The following FILIP1 variants were observed in gnomAD, a reference collection of about 807,000 sequenced individuals.
The protein encoded by FILIP1 is filamin-A-interacting protein 1.
A neutral mutation model predicts 102.1 loss-of-function variants in FILIP1; 61 were observed. The ratio of observed to expected loss-of-function variants is 0.60; its 90% CI spans 0.49 to 0.74. FILIP1 has a LOEUF of 0.74. FILIP1 is among the 30% of genes least tolerant of loss of function. The pLI is 0.00. For missense variants in FILIP1, 1,314 were observed against 1,441.2 expected (o/e 0.91, Z 1.43); for synonymous variants, 491 against 526.9 (o/e 0.93, Z 0.93).
At chr6:75,435,543 G>A (rs1009342346) in intron 1 of FILIP1, among the ~76,000 whole-genome samples, 2 of 152,146 alleles carry the variant, frequency 1.3e-5, no homozygotes, top group Non-Finnish European at 1.5e-5. Flanking sequence ...CAGTAACCTG[G>A]CAGTAAAATT....
At chr6:75,466,903 T>C (rs1447155676) in intron 1 of FILIP1, among the ~76,000 whole-genome samples, 5 of 152,222 alleles carry the variant, frequency 3.3e-5, no homozygotes, top group African/African-American at 4.8e-5. Context: ...ACAGCTTTAG[T>C]TCATCCCTCT....
chr6:75,464,863 T>C (rs1681409100), intron 1 of FILIP1, among the ~76,000 whole-genome samples: 1 of 152,194 alleles, frequency 6.6e-6, no homozygotes, highest in African/African-American at 2.4e-5. Context: ...GCTGAAACTC[T>C]GACTCTTCCT....
chr6:75,297,852 A>C lies in FILIP1; in HGVS notation c.3494-1902T>G, dbSNP rs567827297. Among the ~76,000 whole-genome samples, 3 of 152,356 alleles carry C rather than the reference A, an allele frequency of 2.0e-5. No homozygotes were observed. The South Asian group carries it at 6.2e-4, about 32-fold the overall frequency. On this transcript the variant is annotated intron_variant, in intron 6 of 6. Transcript: ENST00000393004. ...AAAGAGTGAAATCAGAATTGTTCTT[A>C]TTGTGGATGTAATTCAGAAATCTTC... is the stretch of plus-strand genomic sequence containing the variant.
rs112719585 is a variant in FILIP1 at position 75,379,723 on chromosome 6, C to A, written c.277-16806G>T. Among the ~76,000 whole-genome samples, 146 of 152,304 alleles carry A rather than the reference C, an allele frequency of 9.6e-4. 1 individual carries two copies. The highest frequency in any genetic ancestry group is 3.5e-3 in the African/African-American group (146 of 41,558). On this transcript the variant is annotated intron_variant, in intron 2 of 5. Transcript: ENST00000237172. ...CTCCAGGCACGCTTTCCCCTAAGGC[C>A]TCTGCCCCTTTGCCTAGAATGCTCT...
In FILIP1 at chr6:75,308,465, C is replaced by G. The variant is rs1002264347; in HGVS notation, c.*226G>C. 2.5e-5 allele frequency: 34 copies of G among 1,359,732 alleles called. No individual in the cohort carries two copies. In the East Asian group the frequency reaches 1.0e-3, roughly 40 times the overall value. The allele number at this position is 1,359,732 out of a possible 1,614,324, so 84.2% of individuals were successfully genotyped here. On this transcript the variant is annotated 3_prime_UTR_variant, in exon 6 of 6. Coordinates refer to ENST00000237172, the MANE Select transcript of FILIP1 (RefSeq NM_015687.5). ...CTAGAAGCAAAACTGGAACTAGAAACCACGCCCTGGCTTCTAGGCAGCAAG... is the reference window on the plus strand; with the variant it reads ...CTAGAAGCAAAACTGGAACTAGAAAGCACGCCCTGGCTTCTAGGCAGCAAG...
intron 1 of FILIP1, among the ~76,000 whole-genome samples, chr6:75,431,765 A>G (rs1402426789): frequency 6.6e-6 from 1 of 152,190 alleles, no homozygotes; most frequent in African/African-American, 2.4e-5. Context: ...TAACAGACCT[A>G]AACACCCCTC....
At chr6:75,305,334 AT>A (rs1458455263), downstream of FILIP1, among the ~76,000 whole-genome samples, 4 of 152,184 alleles carry the variant, frequency 2.6e-5, no homozygotes, top group Non-Finnish European at 4.4e-5. Context: ...GGAATGAGAA[AT>A]TTAAATATTT....
At position 75,403,490 on chromosome 6, in the gene FILIP1, G is replaced by A. The variant is rs542764745; in HGVS notation, c.276+11207C>T. Among the ~76,000 whole-genome samples the A allele has an allele frequency of 1.7e-3, 212 of 121,278 alleles. 1 individual carries two copies. The highest frequency in any genetic ancestry group is 6.3e-3 in the African/African-American group (189 of 29,972). 79.6% of individuals were successfully genotyped at this position (121,278 alleles called of 152,430 possible). On this transcript the variant is annotated intron_variant, in intron 2 of 5. Coordinates refer to ENST00000237172, the MANE Select transcript of FILIP1 (RefSeq NM_015687.5). ...TGCATGTCACTGTGCTCCAGCCTGG[G>A]CAACAAAGCAAGACTCTGTCCCACA...
chr6:75,413,480 G>T (rs1275937529), intron 2 of FILIP1, among the ~76,000 whole-genome samples: 1 of 152,016 alleles, frequency 6.6e-6, no homozygotes, highest in Non-Finnish European at 1.5e-5. Flanking sequence ...AATCATGTTT[G>T]TTTGTTTAAA....
At chr6:75,375,996 G>A (rs1208592357) in intron 2 of FILIP1, among the ~76,000 whole-genome samples, 1 of 152,052 alleles carries the variant, frequency 6.6e-6, no homozygotes, top group African/African-American at 2.4e-5. Context: ...TAATTTTAAG[G>A]GTTTGGGCAC....
intron 4 of FILIP1, among the ~76,000 whole-genome samples, chr6:75,329,543 CCT>C (rs1773993182): frequency 6.6e-6 from 1 of 152,146 alleles, no homozygotes; most frequent in South Asian, 2.1e-4. Flanking sequence ...CTTGGGTACG[CCT>C]CTCTGTCTTC....
At chr6:75,358,965 G>C (rs1183384285) in intron 3 of FILIP1, among the ~76,000 whole-genome samples, 2 of 150,538 alleles carry the variant, frequency 1.3e-5, no homozygotes, top group Non-Finnish European at 2.9e-5. Flanking sequence ...CTCGTGATCT[G>C]ACAAAGTGCT....
intron 1 of FILIP1, among the ~76,000 whole-genome samples, chr6:75,473,372 G>A (rs1045702127): frequency 4.6e-5 from 7 of 152,110 alleles, no homozygotes; most frequent in African/African-American, 1.7e-4. Flanking sequence ...ACTTGAATGG[G>A]TTCTGAGTAT....
At chr6:75,353,827 T>G in intron 3 of FILIP1, 110 bp from the exon 4 acceptor site, 1 of 1,058,808 alleles carries the variant, frequency 9.4e-7, no homozygotes, top group Non-Finnish European at 1.3e-6. Flanking sequence ...GCGAGAACAG[T>G]GAGTCTGGTA....
intron 1 of FILIP1, among the ~76,000 whole-genome samples, chr6:75,476,272 T>A (rs1779473722): frequency 6.7e-6 from 1 of 149,900 alleles, no homozygotes; most frequent in Non-Finnish European, 1.5e-5. Flanking sequence ...ACATTGATGA[T>A]CATCATATTC....
At chr6:75,449,476 A>C (rs1482550963) in intron 1 of FILIP1, among the ~76,000 whole-genome samples, 1 of 152,140 alleles carries the variant, frequency 6.6e-6, no homozygotes, top group Non-Finnish European at 1.5e-5. Context: ...AACCTATTGA[A>C]GTTTTAAAAA....
intron 4 of FILIP1, among the ~76,000 whole-genome samples, chr6:75,326,208 T>C (rs1243225315): frequency 2.0e-5 from 3 of 152,008 alleles, no homozygotes; most frequent in Non-Finnish European, 4.4e-5. Context: ...GCAACCTGGA[T>C]GGAGTTGGAA....
At chr6:75,456,848 G>T (rs968375296) in intron 1 of FILIP1, among the ~76,000 whole-genome samples, 1 of 152,062 alleles carries the variant, frequency 6.6e-6, no homozygotes, top group African/African-American at 2.4e-5. Flanking sequence ...GTGAGACATC[G>T]TATTCCCAAA....
intron 1 of FILIP1, among the ~76,000 whole-genome samples, chr6:75,438,855 T>G (rs143380837): frequency 6.6e-6 from 1 of 152,248 alleles, no homozygotes; most frequent in African/African-American, 2.4e-5. Flanking sequence ...AGATGAGGAA[T>G]TGACAGGGTT....
Sources: allele counts gnomAD v4.1 joint callset (sites outside exome capture counted in the v4.1 genomes callset), GRCh38; gene constraint gnomAD v4.1.1; transcripts MANE v1.5; gene names NCBI Gene and HGNC (gene_info 2026-07-23, HGNC 2026-07-21).